The following NIPAL4 variants were observed in gnomAD, a reference collection of about 807,000 sequenced individuals.
The protein encoded by NIPAL4 is NIPA like domain containing 4.
NIPAL4 carries 21 observed loss-of-function variants against 31.6 expected under a neutral mutation model. The observed-to-expected ratio is 0.67, with a 90% CI of 0.47 to 0.96. The LOEUF is 0.96. Among genes scored for constraint, NIPAL4 ranks in the 40% least tolerant of loss-of-function variants. NIPAL4 has a pLI of 0.00. For synonymous variants in NIPAL4, 175 were observed against 211.1 expected, an observed-to-expected ratio of 0.83 and a Z score of 1.48; for missense variants, 438 against 508.0, an observed-to-expected ratio of 0.86 and a Z score of 1.32.
chr5:157,466,187 G>T (rs1176366739), intron 2 of NIPAL4, among the ~76,000 whole-genome samples: 1 of 152,182 alleles, frequency 6.6e-6, no homozygotes, highest in Non-Finnish European at 1.5e-5. Context: ...CCTGTAGAGT[G>T]AGTGTAAGTT....
chr5:157,468,167 G>A (rs909425078), intron 3 of NIPAL4, among the ~76,000 whole-genome samples: 4 of 150,898 alleles, frequency 2.7e-5, no homozygotes, highest in East Asian at 1.9e-4. Context: ...CACCTGCCTC[G>A]GCCTCCCAAA....
chr5:157,463,151 A>G lies in NIPAL4; in HGVS notation c.95A>G (p.Asp32Gly). 1 of 1,613,888 alleles carries G rather than the reference A, an allele frequency of 6.2e-7. No individual in the cohort carries two copies. Among genetic ancestry groups the G allele is most frequent in the Non-Finnish European group, 8.5e-7 (1 of 1,179,872 alleles). Residue 32 changes from aspartate (D) to glycine (G), a missense_variant, in exon 2 of 6, where the codon GAC becomes GGC. Coordinates refer to ENST00000311946, the MANE Select transcript of NIPAL4 (RefSeq NM_001099287.2). Reference sequence around the variant, plus strand: ...GAAGTCCTGTGCCAGATTGTCAATGACCTCAGCCCTGAGGTGCCCAGCAAT... The same window carrying G: ...GAAGTCCTGTGCCAGATTGTCAATGGCCTCAGCCCTGAGGTGCCCAGCAAT... ...SQEVLCQIVN[D>G]LSPEVPSNAT...
intron 3 of NIPAL4, chr5:157,467,542 C>G (rs1754312271): frequency 5.6e-6 from 1 of 179,168 alleles, no homozygotes; most frequent in African/African-American, 2.4e-5. Flanking sequence ...TCACACATTT[C>G]CCCCACTTTC....
In NIPAL4 at chr5:157,472,753, C is replaced by T. The variant is rs766064793; in HGVS notation, c.1008C>T (p.Ile336=). The change falls in exon 6 of 6, where the codon ATC becomes ATT. Residue 336 remains isoleucine, a synonymous_variant. Transcript: ENST00000311946. ...CCCTCTCGGGCTTTGTCACCATCAT[C>T]TTGGGCGTGTTCATGCTGCATGCTT... The part of the protein sequence containing the change: ...AGTLSGFVTI[I]LGVFMLHAFK... 7.4e-6 allele frequency: 12 copies of T among 1,613,590 alleles called. No homozygotes were observed. In the South Asian group the frequency reaches 1.2e-4, roughly 16 times the overall value.
Position 157,463,180 on chromosome 5 carries a change from A to C in NIPAL4, c.124A>C (p.Thr42Pro). The C allele has an allele frequency of 6.2e-7, 1 of 1,613,970 alleles. No homozygotes were observed. The highest frequency in any genetic ancestry group is 8.5e-7 in the Non-Finnish European group (1 of 1,179,888). The change falls in exon 2 of 6, where the codon ACC becomes CCC. Residue 42 changes from threonine (T) to proline (P), a missense_variant. Transcript: ENST00000311946. ...CAGCCCTGAGGTGCCCAGCAATGCCACCTTTCACAGCTGGCAGGAAAGAAT... is the reference window on the plus strand; with the variant it reads ...CAGCCCTGAGGTGCCCAGCAATGCCCCCTTTCACAGCTGGCAGGAAAGAAT... ...DLSPEVPSNA[T>P]FHSWQERIRQ...
At chr5:157,467,299 G>A (rs1469975012) in intron 3 of NIPAL4, 194 bp downstream of exon 3, 5 of 579,968 alleles carry the variant, frequency 8.6e-6, no homozygotes, top group Admixed American at 2.3e-5. Flanking sequence ...TCCATGAAGC[G>A]TCTACTCCCA....
At position 157,471,728 on chromosome 5, in the gene NIPAL4, TG is replaced by T; in HGVS notation, c.499del (p.Ala167ProfsTer5). The T allele has an allele frequency of 6.2e-7, 1 of 1,607,878 alleles. No homozygotes were observed. The highest frequency in any genetic ancestry group is 8.5e-7 in the Non-Finnish European group (1 of 1,177,048). On this transcript the variant is annotated frameshift_variant, in exon 5 of 6. Coordinates refer to ENST00000311946, the MANE Select transcript of NIPAL4 (RefSeq NM_001099287.2). LOFTEE classifies it high-confidence loss of function. Reference sequence around the variant, plus strand: ...GGGAAGCTGGGCTGTGTGATCTGTGTGGCCGGAAGCACAGTGATGGTGATAC... The same window carrying T: ...GGGAAGCTGGGCTGTGTGATCTGTGTGCCGGAAGCACAGTGATGGTGATAC... ...LLGKLGCVIC[V>X]AGSTVMVIHA...
At position 157,473,342 on chromosome 5, in the gene NIPAL4, TCTC is replaced by T. The variant is rs886060341; in HGVS notation, c.*388_*390del. ...TCATTGGAAGTTCCTTCACACCAAT[TCTC>T]CTCCTGAGACGGAATCTCCGTTGTT... is the stretch of plus-strand genomic sequence containing the variant. On this transcript the variant is annotated 3_prime_UTR_variant, in exon 6 of 6. Transcript: ENST00000311946. The T allele has an allele frequency of 5.8e-6, 1 of 173,120 alleles. No homozygotes were observed. Among genetic ancestry groups the T allele is most frequent in the South Asian group, 1.9e-4 (1 of 5,244 alleles). The allele number at this position is 173,120 out of a possible 1,614,324, so 10.7% of individuals were successfully genotyped here.
intron 1 of NIPAL4, among the ~76,000 whole-genome samples, chr5:157,461,344 C>G (rs1754099661): frequency 6.6e-6 from 1 of 152,234 alleles, no homozygotes; most frequent in Non-Finnish European, 1.5e-5. Flanking sequence ...TTACTTTTCA[C>G]TGCAGTGGGA....
At chr5:157,466,942 C>G in intron 2 of NIPAL4, 107 bp from the exon 3 acceptor site, 1 of 810,460 alleles carries the variant, frequency 1.2e-6, no homozygotes, top group Admixed American at 2.0e-5. Context: ...AGAACCAAGC[C>G]TCAAGGAGCA....
chr5:157,471,574 A>G lies in NIPAL4; in HGVS notation c.426-83A>G. The G allele has an allele frequency of 2.8e-6, 3 of 1,067,786 alleles. No individual in the cohort carries two copies. In the South Asian group the frequency reaches 4.8e-5, roughly 17 times the overall value. The allele number at this position is 1,067,786 out of a possible 1,614,324, so 66.1% of individuals were successfully genotyped here. On this transcript the variant is annotated intron_variant, in intron 4 of 5. Transcript: ENST00000311946. ...GAGTTCTGATCTGTTGTTCTCTGTG[A>G]GTGCTTGCTCAGGCCCCATTTTCTT... is the stretch of plus-strand genomic sequence containing the variant.
intron 4 of NIPAL4, 151 bp from the exon 5 acceptor site, chr5:157,471,506 C>T (rs901195593): frequency 4.9e-6 from 3 of 616,354 alleles, no homozygotes; most frequent in Non-Finnish European, 8.4e-6. Context: ...CCCATGGTAA[C>T]GTAAGTTTTT....
rs1395340952 is a variant in NIPAL4 at position 157,466,978 on chromosome 5, G to A, written c.278-71G>A. The A allele has an allele frequency of 5.9e-6, 7 of 1,177,398 alleles. No homozygotes were observed. The African/African-American group carries it at 6.0e-5, about 10-fold the overall frequency. The allele number at this position is 1,177,398 out of a possible 1,614,324, so 72.9% of individuals were successfully genotyped here. A position where few individuals can be genotyped will look rare whatever the true frequency, so the allele number is the denominator to read the frequency against. On this transcript the variant is annotated intron_variant, in intron 2 of 5. Coordinates refer to ENST00000311946, the MANE Select transcript of NIPAL4 (RefSeq NM_001099287.2). ...GCCCTTAGAGGCCGGGGAGTGAGCA[G>A]AGAGTTAGGAAAGGTACCTGAGAAA...
chr5:157,468,631 T>A (rs1396849719), intron 3 of NIPAL4, 91 bp from the exon 4 acceptor site: 4 of 795,032 alleles, frequency 5.0e-6, no homozygotes, highest in Admixed American at 3.6e-5. Flanking sequence ...TGGTCTGGGA[T>A]TCTCCAGCTT....
rs375688767 is a variant in NIPAL4 at position 157,472,448 on chromosome 5, G to C, written c.703G>C (p.Gly235Arg). 1.9e-6 allele frequency: 3 copies of C among 1,613,568 alleles called. No individual in the cohort carries two copies. The highest frequency in any genetic ancestry group is 2.5e-6 in the Non-Finnish European group (3 of 1,179,850). Reference protein sequence around the residue: ...LIYIIICSVIGAFSVAAVKGL... With the variant: ...LIYIIICSVIRAFSVAAVKGL... ...CTACATCATCATCTGCTCTGTGATCGGGGCCTTCTCTGTGGCTGCTGTCAA... is the reference window on the plus strand; with the variant it reads ...CTACATCATCATCTGCTCTGTGATCCGGGCCTTCTCTGTGGCTGCTGTCAA... Residue 235 changes from glycine (G) to arginine (R), a missense_variant, in exon 6 of 6, where the codon GGG (glycine) becomes CGG (arginine). Physicochemically the swap from Gly to Arg is moderately radical, Grantham distance 125. Coordinates refer to ENST00000311946, the MANE Select transcript of NIPAL4 (RefSeq NM_001099287.2).
chr5:157,464,137 T>C (rs1036128349), intron 2 of NIPAL4, among the ~76,000 whole-genome samples: 1 of 152,130 alleles, frequency 6.6e-6, no homozygotes, highest in Admixed American at 6.5e-5. Context: ...AGATGATCTC[T>C]AAACTGAGAC....
chr5:157,461,395 C>T (rs1169546541), intron 1 of NIPAL4, among the ~76,000 whole-genome samples: 5 of 152,186 alleles, frequency 3.3e-5, no homozygotes, highest in South Asian at 4.1e-4. Context: ...TTGGGTGTTG[C>T]GGGCTTTACT....
intron 3 of NIPAL4, among the ~76,000 whole-genome samples, chr5:157,468,322 A>G (rs1754339020): frequency 1.3e-5 from 2 of 152,294 alleles, no homozygotes; most frequent in African/African-American, 4.8e-5. Flanking sequence ...TACCTGGAGA[A>G]CCAATAATTG....
chr5:157,472,288 G>C, intron 5 of NIPAL4, 44 bp from the exon 6 acceptor site: 4 of 1,559,242 alleles, frequency 2.6e-6, no homozygotes, highest in Non-Finnish European at 2.6e-6. Flanking sequence ...GACATTGCCT[G>C]CACCCTCCAC....
Sources: gnomAD v4.1 joint callset for allele counts (sites outside exome capture counted in the v4.1 genomes callset) on GRCh38, gnomAD v4.1.1 for gene constraint, MANE v1.5 for transcripts, NCBI Gene and HGNC (gene_info 2026-07-23, HGNC 2026-07-21) for gene names.